Variants in TBC1D32 observed in about 807,000 individuals in gnomAD.
TBC1D32 encodes the protein TBC1 domain family member 32.
A neutral mutation model predicts 170.3 loss-of-function variants in TBC1D32; 151 were observed. The ratio of observed to expected loss-of-function variants is 0.89; its 90% CI spans 0.78 to 1.01. The LOEUF is 1.01. Ranked by LOEUF, TBC1D32 falls within the 50% of genes least tolerant of loss-of-function variation. The pLI is 0.00. For missense variants in TBC1D32, 1,464 were observed against 1,457.1 expected, an observed-to-expected ratio of 1.00 and a Z score of -0.08; for synonymous variants, 498 against 488.0, an observed-to-expected ratio of 1.02 and a Z score of -0.27.
chr6:121,312,124 A>G (rs1808302774), intron 3 of TBC1D32, among the ~76,000 whole-genome samples: 1 of 152,166 alleles, frequency 6.6e-6, no homozygotes, highest in Non-Finnish European at 1.5e-5. Flanking sequence ...CTTCTCACTC[A>G]TAAGTGGGAG....
At chr6:121,267,145 G>C (rs1381554647) in intron 15 of TBC1D32, among the ~76,000 whole-genome samples, 1 of 149,490 alleles carries the variant, frequency 6.7e-6, no homozygotes, top group Non-Finnish European at 1.5e-5. Context: ...AAAAAAGGTC[G>C]GGGGGAGGTT....
chr6:121,121,385 T>A (rs1447154656), intron 26 of TBC1D32, among the ~76,000 whole-genome samples: 1 of 152,016 alleles, frequency 6.6e-6, no homozygotes, highest in Non-Finnish European at 1.5e-5. Flanking sequence ...CTTGAATAAA[T>A]AACACATATT....
intron 2 of TBC1D32, among the ~76,000 whole-genome samples, chr6:121,318,447 T>C (rs76745190): frequency 0.013 from 1,902 of 152,152 alleles, 40 homozygotes; most frequent in African/African-American, 0.043. Context: ...ACCATAAATA[T>C]AGTCTAGCTC....
chr6:121,126,472 C>A lies in TBC1D32; in HGVS notation c.2900-11G>T. On this transcript the variant is annotated splice_polypyrimidine_tract_variant and intron_variant, in intron 25 of 31. Coordinates refer to ENST00000398212, the MANE Select transcript of TBC1D32 (RefSeq NM_152730.6). ...GTAATTCTATTAAGGCTGTAATAAA[C>A]AAAGGAATAATTAGGATATTAAAGG... 4 of 1,584,464 alleles carry A rather than the reference C, an allele frequency of 2.5e-6. No individual in the cohort carries two copies. The South Asian group carries it at 4.5e-5, about 18-fold the overall frequency.
chr6:121,313,105 GGTGTGTGTGTGT>G (rs71018125), intron 3 of TBC1D32, among the ~76,000 whole-genome samples: 5,726 of 111,150 alleles, frequency 0.052, 202 homozygotes, highest in African/African-American at 0.069. Context: ...AAGCTAAGGT[GGTGTGTGTGTGT>G]GTGTGTGTGT....
chr6:121,082,155 G>A (rs1775706674), intron 31 of TBC1D32, among the ~76,000 whole-genome samples: 1 of 151,998 alleles, frequency 6.6e-6, no homozygotes, highest in South Asian at 2.1e-4. Flanking sequence ...ACACGAAGAT[G>A]AGTGAGAAGA....
chr6:121,187,754 CAA>C (rs67915120), intron 22 of TBC1D32, among the ~76,000 whole-genome samples: 6,390 of 128,534 alleles, frequency 0.05, 463 homozygotes, highest in African/African-American at 0.18. Flanking sequence ...TGCTCAGGGC[CAA>C]AAAAAAAAAA....
intron 15 of TBC1D32, among the ~76,000 whole-genome samples, chr6:121,257,552 A>G (rs4946555): frequency 0.033 from 4,984 of 152,276 alleles, 193 homozygotes; most frequent in East Asian, 0.12. Context: ...CCTCAGTAAC[A>G]TTTTAGTTAC....
At chr6:121,292,448 C>T (rs1239553906) in intron 11 of TBC1D32, among the ~76,000 whole-genome samples, 1 of 152,050 alleles carries the variant, frequency 6.6e-6, no homozygotes, top group Non-Finnish European at 1.5e-5. Flanking sequence ...AAAATAAATA[C>T]CATAAGACTG....
rs1337555042 is a variant in TBC1D32, at chr6:121,283,858, G to T, written c.1425C>A (p.Tyr475Ter). 11 of 1,611,222 alleles carry T rather than the reference G, an allele frequency of 6.8e-6. No homozygotes were observed. Among genetic ancestry groups the T allele is most frequent in the Non-Finnish European group, 9.3e-6 (11 of 1,178,424 alleles). Residue 475 changes from tyrosine (Y) to a stop codon, truncating the protein, a stop_gained, in exon 13 of 32, where the codon TAC becomes TAA. Transcript: ENST00000398212. LOFTEE classifies it high-confidence loss of function. The part of the protein sequence containing the change: ...LLVLFTQLIY[Y>*]SPSCPKMTSA... ...ATGTCATCTTTGGACAACTTGGTGA[G>T]TAATAGATAAGTTGGGTAAAAAGAA...
At position 121,299,569 on chromosome 6, in the gene TBC1D32, C is replaced by A. The variant is rs371720973; in HGVS notation, c.1081-64G>T. The A allele has an allele frequency of 3.3e-5, 46 of 1,407,672 alleles. 1 individual carries two copies. The East Asian group carries it at 7.7e-4, about 24-fold the overall frequency. The allele number at this position is 1,407,672 out of a possible 1,614,324, so 87.2% of individuals were successfully genotyped here. A position where few individuals can be genotyped will look rare whatever the true frequency, so the allele number is the denominator to read the frequency against. ...TGCCACTCAAAATCTATTTTTCCTG[C>A]ATGATTTCTAATGACAACATCATAA... On this transcript the variant is annotated intron_variant, in intron 9 of 31. Coordinates refer to ENST00000398212, the MANE Select transcript of TBC1D32 (RefSeq NM_152730.6).
chr6:121,324,147 C>T (rs898589571), intron 1 of TBC1D32, among the ~76,000 whole-genome samples: 1 of 152,036 alleles, frequency 6.6e-6, no homozygotes, highest in Admixed American at 6.6e-5. Flanking sequence ...ATCCCAGAGT[C>T]CCAAAGATGT....
chr6:121,271,834 C>G (rs955877292), intron 15 of TBC1D32, among the ~76,000 whole-genome samples: 2 of 151,730 alleles, frequency 1.3e-5, no homozygotes, highest in Non-Finnish European at 2.9e-5. Flanking sequence ...GCTGGAGGCA[C>G]CATGCCACCT....
chr6:121,294,699 G>A (rs1019272626), intron 10 of TBC1D32, 39 bp from the exon 11 acceptor site: 37 of 1,456,840 alleles, frequency 2.5e-5, no homozygotes, highest in Non-Finnish European at 3.4e-5. Flanking sequence ...GAACTTTGCA[G>A]CCCTCAAGTC....
At chr6:121,207,491 T>C (rs1792427599) in intron 21 of TBC1D32, among the ~76,000 whole-genome samples, 2 of 152,182 alleles carry the variant, frequency 1.3e-5, no homozygotes, top group Admixed American at 6.5e-5. Context: ...GAACAAATGT[T>C]ATGGCAAATA....
chr6:121,262,673 C>T (rs541618936), intron 15 of TBC1D32, among the ~76,000 whole-genome samples: 10 of 152,108 alleles, frequency 6.6e-5, no homozygotes, highest in South Asian at 2.1e-4. Context: ...GACAGAGTTT[C>T]GCCATGTTGG....
At chr6:121,192,373 A>G (rs1290132964) in intron 22 of TBC1D32, 1 of 152,100 alleles carries the variant, frequency 6.6e-6, no homozygotes, top group Non-Finnish European at 1.5e-5. Context: ...TCTACATAAT[A>G]CCTTTGACCA....
chr6:121,169,129 G>C (rs1786584219), intron 22 of TBC1D32, among the ~76,000 whole-genome samples: 1 of 152,100 alleles, frequency 6.6e-6, no homozygotes, highest in Non-Finnish European at 1.5e-5. Flanking sequence ...TAAGCAAAAA[G>C]AACAAAGCTG....
chr6:121,111,852 A>C (rs1779238701), intron 29 of TBC1D32, among the ~76,000 whole-genome samples: 3 of 152,112 alleles, frequency 2.0e-5, no homozygotes. Flanking sequence ...TCCAAATGCA[A>C]CATGTCATGG....
Sources: allele counts gnomAD v4.1 joint callset (sites outside exome capture counted in the v4.1 genomes callset), GRCh38; gene constraint gnomAD v4.1.1; transcripts MANE v1.5; gene names NCBI Gene and HGNC (gene_info 2026-07-23, HGNC 2026-07-21).